The following MED25 variants were observed in gnomAD, a reference collection of about 807,000 sequenced individuals.
The protein encoded by MED25 is mediator of RNA polymerase II transcription subunit 25.
Under a neutral mutation model 89.4 loss-of-function variants are expected in MED25, and 62 were observed. The observed-to-expected ratio is 0.69, with a 90% confidence interval of 0.57 to 0.86. The LOEUF is 0.86. Among genes scored for constraint, MED25 ranks in the 40% least tolerant of loss-of-function variants. MED25 has a pLI of 0.00. For synonymous variants in MED25, 449 were observed against 427.9 expected, an observed-to-expected ratio of 1.05 and a Z score of -0.61; for missense variants, 905 against 1,005.2, an observed-to-expected ratio of 0.90 and a Z score of 1.35.
At position 49,830,218 on chromosome 19, in the gene MED25, G is replaced by C; in HGVS notation, c.819G>C (p.Gln273His). ...TGCCCCCCGTCCCCCCGCAGTACCA[G>C]GTATGGATATTTCCGGGAAGGGACA... ...QPLPPVPPQYQVPGNLSAAQV... is the reference protein window; with the variant it reads ...QPLPPVPPQYHVPGNLSAAQV... Residue 273 changes from glutamine to histidine, a missense_variant and splice_region_variant, in exon 7 of 18, where the codon CAG becomes CAC. Gln to His is a conservative substitution (Grantham distance 24). Coordinates refer to ENST00000312865, the MANE Select transcript of MED25 (RefSeq NM_030973.4). This position sits in a 1 kb window ranked among gnomAD's most constrained non-coding sequence, Gnocchi z 4.6. 1.2e-6 allele frequency: 2 copies of C among 1,607,508 alleles called. No homozygotes were observed. Among genetic ancestry groups the C allele is most frequent in the Non-Finnish European group, 1.7e-6 (2 of 1,176,614 alleles).
rs1365894668 is a variant in MED25 at position 49,828,922 on chromosome 19, CAG to C, written c.405-47_405-46del. The C allele has an allele frequency of 2.5e-6, 4 of 1,611,982 alleles. No individual in the cohort carries two copies. The African/African-American group carries it at 5.3e-5, about 22-fold the overall frequency. ...CTGGTGCTGGGTCTGGGTTCCTTCT[CAG>C]GGCCTCTGTTGCTGCTGGCTCCATG... On this transcript the variant is annotated intron_variant, in intron 4 of 17. Coordinates refer to ENST00000312865, the MANE Select transcript of MED25 (RefSeq NM_030973.4).
chr19:49,830,409 C>G lies in MED25; in HGVS notation c.820-102C>G, dbSNP rs997822357. ...GGTGTTGTGAGCTAAGCTATCCCAG[C>G]TGGTGCCTCATGGGGCCATGGGTGG... On this transcript the variant is annotated intron_variant, in intron 7 of 17. Coordinates refer to ENST00000312865, the MANE Select transcript of MED25 (RefSeq NM_030973.4). The surrounding 1 kb of genome is among the most constrained non-coding windows in gnomAD (Gnocchi z 4.6). 5.8e-5 allele frequency: 75 copies of G among 1,283,262 alleles called. No homozygotes were observed. Among genetic ancestry groups the G allele is most frequent in the Non-Finnish European group, 8.4e-5 (75 of 893,972 alleles). The allele number at this position is 1,283,262 out of a possible 1,614,324, so 79.5% of individuals were successfully genotyped here.
chr19:49,821,259 TAGAG>T (rs1021863121), intron 3 of MED25, among the ~76,000 whole-genome samples: 1 of 152,116 alleles, frequency 6.6e-6, no homozygotes, highest in Non-Finnish European at 1.5e-5. Flanking sequence ...AGGGACCCAA[TAGAG>T]AGAGCAAAGA....
Position 49,830,288 on chromosome 19 carries a change from T to C in MED25, c.819+70T>C, listed in dbSNP as rs745763111. 23 of 1,497,784 alleles carry C rather than the reference T, an allele frequency of 1.5e-5. No individual in the cohort carries two copies. Among genetic ancestry groups the C allele is most frequent in the Non-Finnish European group, 2.1e-5 (23 of 1,090,650 alleles). The allele number at this position is 1,497,784 out of a possible 1,614,324, so 92.8% of individuals were successfully genotyped here. A position where few individuals can be genotyped will look rare whatever the true frequency, so the allele number is the denominator to read the frequency against. On this transcript the variant is annotated intron_variant, in intron 7 of 17. Transcript: ENST00000312865. The surrounding 1 kb of genome is among the most constrained non-coding windows in gnomAD (Gnocchi z 4.6). ...GAGCCCTGGCCCCTGGGGAGAAATC[T>C]AGTTGCATGTTGGAGCTTGTGGGAT...
Position 49,836,520 on chromosome 19 carries a change from G to GGC in MED25, c.2146+115_2146+116insCG. The stretch of plus-strand genomic sequence containing the variant: ...GTAAAGACATAGGATCCAAGAATGA[G>GGC]GGTTCCCCCATGGCCTTTGCGGAGC... On this transcript the variant is annotated intron_variant, in intron 17 of 17. Transcript: ENST00000312865. This position sits in a 1 kb window ranked among gnomAD's most constrained non-coding sequence, Gnocchi z 5.1. 1 of 1,342,996 alleles carries GGC rather than the reference G, an allele frequency of 7.4e-7. No homozygotes were observed. Among genetic ancestry groups the GGC allele is most frequent in the Non-Finnish European group, 1.0e-6 (1 of 958,022 alleles). The allele number at this position is 1,342,996 out of a possible 1,614,324, so 83.2% of individuals were successfully genotyped here.
rs765842852 is a variant in MED25 at position 49,830,268 on chromosome 19, C to G, written c.819+50C>G. 13 of 1,582,406 alleles carry G rather than the reference C, an allele frequency of 8.2e-6. No individual in the cohort carries two copies. The highest frequency in any genetic ancestry group is 1.1e-5 in the Non-Finnish European group (13 of 1,159,552). On this transcript the variant is annotated intron_variant, in intron 7 of 17. Coordinates refer to ENST00000312865, the MANE Select transcript of MED25 (RefSeq NM_030973.4). This position sits in a 1 kb window ranked among gnomAD's most constrained non-coding sequence, Gnocchi z 4.6. ...ATGCTTCTGGGGACTTGCTGGAGCC[C>G]TGGCCCCTGGGGAGAAATCTAGTTG...
At chr19:49,823,238 A>G (rs1373860818) in intron 3 of MED25, among the ~76,000 whole-genome samples, 1 of 152,156 alleles carries the variant, frequency 6.6e-6, no homozygotes, top group African/African-American at 2.4e-5. Flanking sequence ...CTGAGATCAC[A>G]GGCCTGAGCT....
In MED25 at chr19:49,830,962, A is replaced by G; in HGVS notation, c.1101+75A>G. The G allele has an allele frequency of 1.3e-6, 2 of 1,482,572 alleles. No homozygotes were observed. The highest frequency in any genetic ancestry group is 1.9e-6 in the Non-Finnish European group (2 of 1,076,324). 91.8% of individuals were successfully genotyped at this position (1,482,572 alleles called of 1,614,324 possible). A position where few individuals can be genotyped will look rare whatever the true frequency, so the allele number is the denominator to read the frequency against. Reference sequence around the variant, plus strand: ...AGCTAGGACAGTTAGAGGATGAGTCATTTGCCTTCCAGGGGGATGTGGCTC... The same window carrying G: ...AGCTAGGACAGTTAGAGGATGAGTCGTTTGCCTTCCAGGGGGATGTGGCTC... On this transcript the variant is annotated intron_variant, in intron 9 of 17. Transcript: ENST00000312865. This position sits in a 1 kb window ranked among gnomAD's most constrained non-coding sequence, Gnocchi z 4.6.
At chr19:49,827,078 G>A (rs1253029908) in intron 3 of MED25, among the ~76,000 whole-genome samples, 2 of 152,170 alleles carry the variant, frequency 1.3e-5, no homozygotes, top group Non-Finnish European at 2.9e-5. Flanking sequence ...CCCCGCCTGT[G>A]GGAGAGGTAG....
rs780010072 is a variant in MED25 at position 49,830,500 on chromosome 19, T to C, written c.820-11T>C. On this transcript the variant is annotated splice_polypyrimidine_tract_variant and intron_variant, in intron 7 of 17. Coordinates refer to ENST00000312865, the MANE Select transcript of MED25 (RefSeq NM_030973.4). The surrounding 1 kb of genome is among the most constrained non-coding windows in gnomAD (Gnocchi z 4.6). Reference sequence around the variant, plus strand: ...TCACCAGTCCCTTCCCTTCTTCCCTTCTACCCACAGGTTCCCGGGAACCTG... The same window carrying C: ...TCACCAGTCCCTTCCCTTCTTCCCTCCTACCCACAGGTTCCCGGGAACCTG... 6.2e-7 allele frequency: 1 copy of C among 1,613,660 alleles called. No homozygotes were observed. The highest frequency in any genetic ancestry group is 8.5e-7 in the Non-Finnish European group (1 of 1,179,662).
chr19:49,828,696 G>A, intron 4 of MED25, 149 bp downstream of exon 4: 2 of 910,972 alleles, frequency 2.2e-6, no homozygotes, highest in Middle Eastern at 2.2e-4. Context: ...CTGCAGGTGT[G>A]TCCTTGGGGG....
intron 3 of MED25, among the ~76,000 whole-genome samples, chr19:49,821,557 A>G (rs2073981903): frequency 6.6e-6 from 1 of 152,006 alleles, no homozygotes; most frequent in African/African-American, 2.4e-5. Context: ...ACCTGAGGTC[A>G]GGAGTTCGAG....
chr19:49,828,207 C>T (rs1015558907), intron 3 of MED25, among the ~76,000 whole-genome samples: 15 of 148,960 alleles, frequency 1.0e-4, no homozygotes, highest in Non-Finnish European at 2.1e-4. Context: ...CCAGCCTGGG[C>T]GACAGAGCGA....
chr19:49,822,866 C>G (rs189824010), intron 3 of MED25, among the ~76,000 whole-genome samples: 98 of 152,012 alleles, frequency 6.4e-4, no homozygotes, highest in African/African-American at 2.3e-3. Context: ...CCGGGATGGT[C>G]TCGGTCTCCT....
At chr19:49,821,658 A>C (rs867595883) in intron 3 of MED25, among the ~76,000 whole-genome samples, 4 of 151,838 alleles carry the variant, frequency 2.6e-5, no homozygotes, top group Admixed American at 6.6e-5. Context: ...GAGTGCTGAA[A>C]TTACAGGCCT....
Position 49,836,510 on chromosome 19 carries a change from C to A in MED25, c.2146+104C>A. 1 of 1,392,406 alleles carries A rather than the reference C, an allele frequency of 7.2e-7. No individual in the cohort carries two copies. Among genetic ancestry groups the A allele is most frequent in the Non-Finnish European group, 1.0e-6 (1 of 1,003,294 alleles). The allele number at this position is 1,392,406 out of a possible 1,614,324, so 86.3% of individuals were successfully genotyped here. A position where few individuals can be genotyped will look rare whatever the true frequency, so the allele number is the denominator to read the frequency against. The stretch of plus-strand genomic sequence containing the variant: ...CTCCTGGGAAGTAAAGACATAGGAT[C>A]CAAGAATGAGGGTTCCCCCATGGCC... On this transcript the variant is annotated intron_variant, in intron 17 of 17. Coordinates refer to ENST00000312865, the MANE Select transcript of MED25 (RefSeq NM_030973.4). This position sits in a 1 kb window ranked among gnomAD's most constrained non-coding sequence, Gnocchi z 5.1.
intron 3 of MED25, among the ~76,000 whole-genome samples, chr19:49,825,950 C>T (rs963370044): frequency 2.6e-5 from 4 of 152,056 alleles, no homozygotes; most frequent in Admixed American, 6.6e-5. Context: ...CAGAAAGGCC[C>T]AGGAAAATAT....
In MED25 at chr19:49,835,945, G is replaced by T; in HGVS notation, c.1965G>T (p.Pro655=). 1.1e-5 allele frequency: 17 copies of T among 1,612,844 alleles called. No individual in the cohort carries two copies. The highest frequency in any genetic ancestry group is 1.4e-5 in the Non-Finnish European group (17 of 1,179,960). ...QLRSLLLNPP[P]PQTGVPPPQA... is the part of the protein sequence containing the mutation. Reference sequence around the variant, plus strand: ...GAAGCCTCCTCCTCAACCCACCACCGGTGAGATGTTGGGGTGGGGTAGCGA... The same window carrying T: ...GAAGCCTCCTCCTCAACCCACCACCTGTGAGATGTTGGGGTGGGGTAGCGA... Residue 655 remains proline, a splice_region_variant and synonymous_variant, in exon 16 of 18, where the codon CCG becomes CCT. Coordinates refer to ENST00000312865, the MANE Select transcript of MED25 (RefSeq NM_030973.4). The surrounding 1 kb of genome is among the most constrained non-coding windows in gnomAD (Gnocchi z 6.2).
In MED25 at chr19:49,834,977, T is replaced by C. The variant is rs768250828; in HGVS notation, c.1483-9T>C. The stretch of plus-strand genomic sequence containing the variant: ...CCTGAATGGTTCTGAAGAGCTGTTG[T>C]CCACCCAGGCGGGCTGCGTGCACTT... On this transcript the variant is annotated splice_polypyrimidine_tract_variant and intron_variant, in intron 13 of 17. Transcript: ENST00000312865. The surrounding 1 kb of genome is among the most constrained non-coding windows in gnomAD (Gnocchi z 4.1). 2 of 1,613,822 alleles carry C rather than the reference T, an allele frequency of 1.2e-6. No homozygotes were observed. Among genetic ancestry groups the C allele is most frequent in the South Asian group, 2.2e-5 (2 of 91,066 alleles).
Sources: allele counts gnomAD v4.1 joint callset (sites outside exome capture counted in the v4.1 genomes callset), GRCh38; gene constraint gnomAD v4.1.1; non-coding constraint Gnocchi (gnomAD v3.1); transcripts MANE v1.5; gene names NCBI Gene and HGNC (gene_info 2026-07-23, HGNC 2026-07-21).